The following GHR variants were observed in gnomAD, a reference collection of about 807,000 sequenced individuals.
GHR encodes growth hormone receptor, also known as GH receptor.
GHR carries 35 observed loss-of-function variants against 67.1 expected under a neutral mutation model. The ratio of observed to expected loss-of-function variants is 0.52; its 90% confidence interval spans 0.40 to 0.69. GHR has a LOEUF of 0.69. GHR is among the 30% of genes least tolerant of loss of function. The pLI is 0.00. For synonymous variants in GHR, 272 were observed against 269.1 expected, an observed-to-expected ratio of 1.01 and a Z score of -0.10; for missense variants, 792 against 764.6, an observed-to-expected ratio of 1.04 and a Z score of -0.42.
At chr5:42,481,845 G>C (rs191710725) in intron 1 of GHR, among the ~76,000 whole-genome samples, 3 of 152,030 alleles carry the variant, frequency 2.0e-5, no homozygotes, top group Admixed American at 2.0e-4. Context: ...CCTGTAGCTC[G>C]GATTAGTTTG....
intron 6 of GHR, among the ~76,000 whole-genome samples, chr5:42,710,501 C>A (rs992003048): frequency 6.6e-6 from 1 of 151,892 alleles, no homozygotes; most frequent in Non-Finnish European, 1.5e-5. Flanking sequence ...TCACTCTACC[C>A]CTCCCCGAGA....
chr5:42,568,494 G>A (rs1162918916), intron 2 of GHR, among the ~76,000 whole-genome samples: 3 of 152,130 alleles, frequency 2.0e-5, no homozygotes, highest in Non-Finnish European at 2.9e-5. Context: ...TCAACTGATT[G>A]TATCAAAATT....
intron 3 of GHR, among the ~76,000 whole-genome samples, chr5:42,686,762 C>T (rs180908299): frequency 3.9e-5 from 6 of 152,216 alleles, no homozygotes; most frequent in Non-Finnish European, 4.4e-5. Context: ...CTTTGAAAAC[C>T]GGCATAAGAA....
At chr5:42,456,297 G>A (rs998734874) in intron 1 of GHR, among the ~76,000 whole-genome samples, 2 of 152,200 alleles carry the variant, frequency 1.3e-5, no homozygotes, top group Admixed American at 6.5e-5. Context: ...GTGACAGAGC[G>A]AGACTCCGTC....
At chr5:42,467,619 A>G in intron 1 of GHR, 1 of 1,606,340 alleles carries the variant, frequency 6.2e-7, no homozygotes, top group South Asian at 1.1e-5. Context: ...AGGCTTTCCC[A>G]CATTTTGAGC....
intron 1 of GHR, among the ~76,000 whole-genome samples, chr5:42,426,854 T>C (rs1028276074): frequency 6.6e-6 from 1 of 152,216 alleles, no homozygotes; most frequent in Non-Finnish European, 1.5e-5. Context: ...GAGGTAATTA[T>C]CTGGTGCATG....
At position 42,425,047 on chromosome 5, in the gene GHR, A is replaced by G. The variant is rs1235362623; in HGVS notation, c.-12+1092A>G. On this transcript the variant is annotated intron_variant, in intron 1 of 9. Coordinates refer to ENST00000230882, the MANE Select transcript of GHR (RefSeq NM_000163.5). Reference sequence around the variant, plus strand: ...GGAAGGGACAGAGAAAGGTAACGGAAGGCCAAAGTGTTGGGAAGTCAGAGT... The same window carrying G: ...GGAAGGGACAGAGAAAGGTAACGGAGGGCCAAAGTGTTGGGAAGTCAGAGT... The G allele has an allele frequency of 1.1e-5, 11 of 982,304 alleles. No homozygotes were observed. The East Asian group carries it at 1.3e-3, about 112-fold the overall frequency. The allele number at this position is 982,304 out of a possible 1,614,324, so 60.8% of individuals were successfully genotyped here. A position where few individuals can be genotyped will look rare whatever the true frequency, so the allele number is the denominator to read the frequency against.
At chr5:42,619,703 T>C (rs1386586064) in intron 2 of GHR, 1 of 152,090 alleles carries the variant, frequency 6.6e-6, no homozygotes, top group Non-Finnish European at 1.5e-5. Context: ...AAATGTTGGA[T>C]GGAAATTGAA....
In GHR at chr5:42,577,462, C is replaced by T. The variant is rs1010500637; in HGVS notation, c.70+11518C>T. On this transcript the variant is annotated intron_variant, in intron 2 of 9. Coordinates refer to ENST00000230882, the MANE Select transcript of GHR (RefSeq NM_000163.5). ...CTGATAGATGTTCAGTTATGCGAAA[C>T]GAAAGGTATTTCTGGCTACCCCTTT... 7.2e-5 allele frequency among the ~76,000 whole-genome samples: 11 copies of T among 152,192 alleles called. 1 individual carries two copies. The highest frequency in any genetic ancestry group is 6.2e-4 in the South Asian group (3 of 4,824).
intron 2 of GHR, among the ~76,000 whole-genome samples, chr5:42,587,833 C>T (rs1034137141): frequency 9.9e-5 from 15 of 152,112 alleles, no homozygotes; most frequent in Non-Finnish European, 7.4e-5. Flanking sequence ...CCCTGTCCAC[C>T]ATCACCTTGT....
At chr5:42,576,009 G>C (rs982341983) in intron 2 of GHR, among the ~76,000 whole-genome samples, 1 of 140,828 alleles carries the variant, frequency 7.1e-6, no homozygotes, top group African/African-American at 2.6e-5. Flanking sequence ...ACTCCAGCCT[G>C]GTCAACAGAG....
intron 2 of GHR, among the ~76,000 whole-genome samples, chr5:42,577,576 AAC>A (rs1670425229): frequency 6.6e-6 from 1 of 152,214 alleles, no homozygotes; most frequent in African/African-American, 2.4e-5. Context: ...TTATTGAATG[AAC>A]TTGCTAGTTT....
At chr5:42,593,002 G>T (rs763752556) in intron 2 of GHR, among the ~76,000 whole-genome samples, 3 of 152,136 alleles carry the variant, frequency 2.0e-5, no homozygotes, top group Non-Finnish European at 2.9e-5. Flanking sequence ...GTGATCGTGA[G>T]TATTTTTTCA....
At chr5:42,482,072 T>A (rs1421237829) in intron 1 of GHR, among the ~76,000 whole-genome samples, 1 of 151,814 alleles carries the variant, frequency 6.6e-6, no homozygotes, top group Non-Finnish European at 1.5e-5. Flanking sequence ...GTGGATGTCC[T>A]TCCTGTTCAT....
chr5:42,674,827 G>T (rs904953436), intron 3 of GHR, among the ~76,000 whole-genome samples: 1 of 151,882 alleles, frequency 6.6e-6, no homozygotes. Flanking sequence ...ACATGTTTTT[G>T]TGTGATCATA....
chr5:42,569,523 T>C (rs1413370259), intron 2 of GHR, among the ~76,000 whole-genome samples: 2 of 152,072 alleles, frequency 1.3e-5, no homozygotes, highest in Admixed American at 6.6e-5. Context: ...AAAGAGGAAG[T>C]GTATGCCATA....
intron 1 of GHR, among the ~76,000 whole-genome samples, chr5:42,513,499 T>C (rs1747110070): frequency 1.3e-5 from 2 of 152,242 alleles, no homozygotes; most frequent in Middle Eastern, 3.4e-3. Context: ...ATAAAAGGCT[T>C]AGCAGGGGCC....
intron 1 of GHR, among the ~76,000 whole-genome samples, chr5:42,540,492 T>C (rs1283400822): frequency 6.6e-6 from 1 of 152,134 alleles, no homozygotes; most frequent in East Asian, 1.9e-4. Context: ...ATTTTCTACA[T>C]ATTGAGAAAA....
chr5:42,588,550 A>AAAAAAAAAAAAAAAAAC (rs1458940491), intron 2 of GHR, among the ~76,000 whole-genome samples: 1 of 150,010 alleles, frequency 6.7e-6, no homozygotes, highest in African/African-American at 2.4e-5. Flanking sequence ...AAAAAAAAAA[A>AAAAAAAAAAAAAAAAAC]AGTGACCTAT....
Sources: gnomAD v4.1 joint callset for allele counts (sites outside exome capture counted in the v4.1 genomes callset) on GRCh38, gnomAD v4.1.1 for gene constraint, MANE v1.5 for transcripts, NCBI Gene and HGNC (gene_info 2026-07-23, HGNC 2026-07-21) for gene names.